STMN4: variants seen among roughly 807,000 people sequenced by gnomAD.
STMN4 encodes stathmin-4.
In STMN4, 12 loss-of-function variants were observed where a neutral mutation model predicts 29.1. The observed-to-expected ratio is 0.41, with a 90% CI of 0.26 to 0.67. The LOEUF (loss-of-function observed/expected upper bound fraction) is 0.67, where lower values mean the gene tolerates loss of function less well. Among genes scored for constraint, STMN4 ranks in the 30% least tolerant of loss-of-function variants. The pLI is 0.30. For synonymous variants in STMN4, 114 were observed against 105.3 expected, an observed-to-expected ratio of 1.08 and a Z score of -0.51; for missense variants, 181 against 262.8, an observed-to-expected ratio of 0.69 and a Z score of 2.15.
At chr8:27,237,025 G>A (rs1158512458) in intron 6 of STMN4, 120 bp from the exon 7 acceptor site, 1 of 1,089,600 alleles carries the variant, frequency 9.2e-7, no homozygotes, top group African/African-American at 1.6e-5. Context: ...GAAGAGCTCT[G>A]TCTGCAAAGG....
chr8:27,239,345 A>G, intron 6 of STMN4: 1 of 1,518,486 alleles, frequency 6.6e-7, no homozygotes, highest in Non-Finnish European at 8.8e-7. Flanking sequence ...CGGCCTTGAG[A>G]CTCAGGAAAT....
At chr8:27,251,160 G>A (rs1303752764) in intron 1 of STMN4, among the ~76,000 whole-genome samples, 1 of 152,022 alleles carries the variant, frequency 6.6e-6, no homozygotes, top group Non-Finnish European at 1.5e-5. Context: ...GGCTGTGGCA[G>A]GAGAATCACT....
Position 27,236,654 on chromosome 8 carries a change from G to C in STMN4, c.*192C>G, listed in dbSNP as rs755998431. The stretch of plus-strand genomic sequence containing the variant: ...CTCTCCCACCCCGTCATTGTTCCCC[G>C]GAAACAAATAGGATGGCTTCACTGG... On this transcript the variant is annotated 3_prime_UTR_variant, in exon 7 of 7. Transcript: ENST00000350889. The C allele has an allele frequency of 7.0e-5, 32 of 458,288 alleles. No homozygotes were observed. The highest frequency in any genetic ancestry group is 6.5e-4 in the South Asian group (14 of 21,412). The allele number at this position is 458,288 out of a possible 1,614,324, so 28.4% of individuals were successfully genotyped here.
At chr8:27,256,791 C>T (rs1052553967) in intron 1 of STMN4, among the ~76,000 whole-genome samples, 1 of 152,284 alleles carries the variant, frequency 6.6e-6, no homozygotes, top group East Asian at 1.9e-4. Flanking sequence ...AAAACACTAA[C>T]CTAGACCAAT....
chr8:27,239,084 G>A (rs1408291046), intron 6 of STMN4: 6 of 967,058 alleles, frequency 6.2e-6, no homozygotes, highest in Non-Finnish European at 8.8e-6. Context: ...CAGAGCACAG[G>A]GGCTGCCTCG....
intron 3 of STMN4, 102 bp from the exon 4 acceptor site, chr8:27,241,859 A>G (rs1191450465): frequency 7.1e-7 from 1 of 1,403,544 alleles, no homozygotes; most frequent in Non-Finnish European, 1.0e-6. Context: ...TTAGGAGGTG[A>G]CCTGGTCCCC....
At chr8:27,255,486 G>A (rs1262363973) in intron 1 of STMN4, among the ~76,000 whole-genome samples, 1 of 152,184 alleles carries the variant, frequency 6.6e-6, no homozygotes. Flanking sequence ...CTTTGATTAT[G>A]ATCTTGATAC....
chr8:27,239,697 A>C, intron 6 of STMN4: 1 of 1,440,534 alleles, frequency 6.9e-7, no homozygotes, highest in Non-Finnish European at 9.1e-7. Context: ...CTTCTAGAAA[A>C]TCAGACATAT....
chr8:27,241,580 TGGTGACAGGCAG>T lies in STMN4; in HGVS notation c.190+85_190+96del, dbSNP rs1801473173. ...GCTGAGCTGCTCAATTTGTCGTCCG[TGGTGACAGGCAG>T]GGGTGCGTTTCAGCCCCCGCCCACC... is the stretch of plus-strand genomic sequence containing the variant. On this transcript the variant is annotated intron_variant, in intron 4 of 6. Transcript: ENST00000350889. 2.1e-6 allele frequency: 3 copies of T among 1,426,432 alleles called. No individual in the cohort carries two copies. The African/African-American group carries it at 4.2e-5, about 20-fold the overall frequency. The allele number at this position is 1,426,432 out of a possible 1,614,324, so 88.4% of individuals were successfully genotyped here. A position where few individuals can be genotyped will look rare whatever the true frequency, so the allele number is the denominator to read the frequency against.
At chr8:27,241,542 G>T in intron 4 of STMN4, 135 bp downstream of exon 4, 1 of 1,142,790 alleles carries the variant, frequency 8.8e-7, no homozygotes, top group Non-Finnish European at 1.3e-6. Flanking sequence ...TCCCCCACCA[G>T]CCTCCTCTGA....
At chr8:27,239,423 T>A in intron 6 of STMN4, 1 of 873,964 alleles carries the variant, frequency 1.1e-6, no homozygotes, top group South Asian at 1.7e-5. Flanking sequence ...CCCGGCCTCA[T>A]GTTTCTCATA....
chr8:27,248,225 T>G (rs1801684698), intron 1 of STMN4, among the ~76,000 whole-genome samples: 2 of 151,864 alleles, frequency 1.3e-5, no homozygotes, highest in East Asian at 3.9e-4. Context: ...CTCTATTTAT[T>G]TATTTATTTA....
At chr8:27,247,104 A>G (rs937327549) in intron 1 of STMN4, among the ~76,000 whole-genome samples, 40 of 151,964 alleles carry the variant, frequency 2.6e-4, no homozygotes, top group African/African-American at 9.2e-4. Context: ...AAAATACAAA[A>G]ATTAGCCCGG....
At position 27,239,899 on chromosome 8, in the gene STMN4, G is replaced by T. The variant is rs1270630224; in HGVS notation, c.591+72C>A. On this transcript the variant is annotated intron_variant, in intron 6 of 6. Coordinates refer to ENST00000350889, the MANE Select transcript of STMN4 (RefSeq NM_030795.4). ...GCTTCCTCCCTGAGATGATCAGCAG[G>T]TCCCCGCATACTTGCTGCAGAAGGA... 3 of 1,610,620 alleles carry T rather than the reference G, an allele frequency of 1.9e-6. No individual in the cohort carries two copies. In the Admixed American group the frequency reaches 5.1e-5, roughly 27 times the overall value.
chr8:27,257,729 G>C (rs1339537856), intron 1 of STMN4, among the ~76,000 whole-genome samples: 1 of 152,096 alleles, frequency 6.6e-6, no homozygotes, highest in Admixed American at 6.6e-5. Flanking sequence ...CAAGGACCAG[G>C]GCGTGGCAGT....
At chr8:27,241,531 T>C in intron 4 of STMN4, 146 bp downstream of exon 4, 1 of 1,067,714 alleles carries the variant, frequency 9.4e-7, no homozygotes, top group South Asian at 1.5e-5. Flanking sequence ...TTGCCTTTGC[T>C]TCCCCCACCA....
In STMN4 at chr8:27,236,882, C is replaced by T. The variant is rs73239446; in HGVS notation, c.615G>A (p.Arg205=). Residue 205 remains arginine, a synonymous_variant, in exon 7 of 7, where the codon CGG becomes CGA. Transcript: ENST00000350889. ...QEKDKHAEEV[R]KNKELKEEAS... is the part of the protein sequence containing the mutation. Reference sequence around the variant, plus strand: ...CCTCTTCCTTCAGCTCCTTGTTTTTCCGCACCTCCTCGGCGTGCTTGTCCT... The same window carrying T: ...CCTCTTCCTTCAGCTCCTTGTTTTTTCGCACCTCCTCGGCGTGCTTGTCCT... 11,029 of 1,608,646 alleles carry T rather than the reference C, an allele frequency of 6.9e-3. 52 individuals carry two copies. The highest frequency in any genetic ancestry group is 0.018 in the Middle Eastern group (110 of 6,006).
chr8:27,257,808 G>C (rs1801986103), intron 1 of STMN4, among the ~76,000 whole-genome samples: 1 of 152,170 alleles, frequency 6.6e-6, no homozygotes, highest in South Asian at 2.1e-4. Context: ...GCTGACCTCA[G>C]GGTGGGGCGG....
At chr8:27,256,885 GA>G (rs977037131) in intron 1 of STMN4, among the ~76,000 whole-genome samples, 6 of 152,006 alleles carry the variant, frequency 3.9e-5, no homozygotes, top group African/African-American at 1.2e-4. Flanking sequence ...CAGTGACAGG[GA>G]ACTCACTCCC....
Sources: allele counts gnomAD v4.1 joint callset (sites outside exome capture counted in the v4.1 genomes callset), GRCh38; gene constraint gnomAD v4.1.1; transcripts MANE v1.5; gene names NCBI Gene and HGNC (gene_info 2026-07-23, HGNC 2026-07-21).